C13orf42: variants seen among roughly 807,000 people sequenced by gnomAD.
The protein encoded by C13orf42 is chromosome 13 open reading frame 42, also known as uncharacterized protein C13orf42.
chr13:51,166,544 G>T (rs1953903253), intron 1 of C13orf42, among the ~76,000 whole-genome samples: 1 of 147,426 alleles, frequency 6.8e-6, no homozygotes, highest in East Asian at 2.0e-4. Flanking sequence ...GTATACATAT[G>T]TAACTAACCT....
chr13:51,106,545 C>A (rs1953357704), intron 1 of C13orf42, among the ~76,000 whole-genome samples: 1 of 152,176 alleles, frequency 6.6e-6, no homozygotes, highest in South Asian at 2.1e-4. Context: ...TGGCCTTACA[C>A]AAATCTCTTA....
At chr13:51,159,820 T>G (rs577700789) in intron 1 of C13orf42, among the ~76,000 whole-genome samples, 1 of 152,214 alleles carries the variant, frequency 6.6e-6, no homozygotes, top group South Asian at 2.1e-4. Flanking sequence ...TTAGTTCATT[T>G]TGACGCTGCT....
At chr13:51,085,074 A>G (rs1953107281) in intron 3 of C13orf42, among the ~76,000 whole-genome samples, 1 of 151,946 alleles carries the variant, frequency 6.6e-6, no homozygotes, top group Non-Finnish European at 1.5e-5. Context: ...GCCAGAAAGA[A>G]AGGGAGGCAG....
intron 1 of C13orf42, among the ~76,000 whole-genome samples, chr13:51,165,219 T>C (rs1407769835): frequency 6.6e-6 from 1 of 152,154 alleles, no homozygotes; most frequent in Non-Finnish European, 1.5e-5. Context: ...GCTGACTCTG[T>C]CCCTGTATCA....
chr13:51,115,020 A>G (rs1953476471), upstream of C13orf42, among the ~76,000 whole-genome samples: 1 of 152,224 alleles, frequency 6.6e-6, no homozygotes, highest in Non-Finnish European at 1.5e-5. Context: ...ATTAAAAAAC[A>G]ACAAAAATAA....
intron 1 of C13orf42, among the ~76,000 whole-genome samples, chr13:51,170,399 C>A (rs1427962743): frequency 2.0e-5 from 3 of 152,148 alleles, no homozygotes; most frequent in African/African-American, 7.2e-5. Context: ...TGAGAAACAT[C>A]CACCTACGAC....
At chr13:51,151,689 T>C (rs997006877) in intron 1 of C13orf42, among the ~76,000 whole-genome samples, 4 of 152,204 alleles carry the variant, frequency 2.6e-5, no homozygotes, top group African/African-American at 9.6e-5. Context: ...TAAAGCAACA[T>C]GCTATGCACT....
At chr13:51,117,987 G>A (rs1953505508) in intron 1 of C13orf42, among the ~76,000 whole-genome samples, 1 of 152,290 alleles carries the variant, frequency 6.6e-6, no homozygotes, top group South Asian at 2.1e-4. Context: ...GGAAGGAAAA[G>A]GCTTTGCACA....
chr13:51,139,161 A>C (rs1953679196), intron 1 of C13orf42, among the ~76,000 whole-genome samples: 1 of 152,094 alleles, frequency 6.6e-6, no homozygotes, highest in African/African-American at 2.4e-5. Flanking sequence ...TACTAAAAAC[A>C]CAAATTAGCT....
chr13:51,144,768 A>G (rs9888519), intron 1 of C13orf42, among the ~76,000 whole-genome samples: 8,364 of 152,128 alleles, frequency 0.055, 378 homozygotes, highest in African/African-American at 0.12. Context: ...ATTTCACCCA[A>G]CTCATGGGTA....
intron 1 of C13orf42, among the ~76,000 whole-genome samples, chr13:51,103,428 C>T (rs1294342924): frequency 1.3e-5 from 2 of 152,058 alleles, no homozygotes; most frequent in Non-Finnish European, 2.9e-5. Context: ...CTGGGCCAGG[C>T]GCAGTGGCTC....
intron 1 of C13orf42, among the ~76,000 whole-genome samples, chr13:51,117,684 C>T (rs1343088475): frequency 6.6e-6 from 1 of 152,176 alleles, no homozygotes; most frequent in Non-Finnish European, 1.5e-5. Flanking sequence ...CCACTCTTCC[C>T]AGACCTTCCT....
chr13:51,140,122 T>C (rs760295797), intron 1 of C13orf42, among the ~76,000 whole-genome samples: 73 of 152,326 alleles, frequency 4.8e-4, no homozygotes, highest in Non-Finnish European at 8.8e-4. Context: ...GCATATCTGA[T>C]TTGCCTCCTT....
intron 1 of C13orf42, among the ~76,000 whole-genome samples, chr13:51,109,860 G>C (rs1020598381): frequency 5.9e-5 from 9 of 152,102 alleles, no homozygotes; most frequent in Non-Finnish European, 1.0e-4. Flanking sequence ...ACTGAGCCTC[G>C]GTTTTCCCTT....
At chr13:51,150,844 T>C (rs567550697) in intron 1 of C13orf42, among the ~76,000 whole-genome samples, 49 of 152,348 alleles carry the variant, frequency 3.2e-4, no homozygotes, top group African/African-American at 1.1e-3. Flanking sequence ...ATCTTGCCTG[T>C]GTATGGATGA....
chr13:51,116,243 G>T (rs146516143), upstream of C13orf42, among the ~76,000 whole-genome samples: 35 of 152,282 alleles, frequency 2.3e-4, no homozygotes, highest in Middle Eastern at 3.4e-3. Context: ...AGGCAGAAGG[G>T]GCACGTCTGA....
At chr13:51,105,311 T>A (rs1003459150) in intron 1 of C13orf42, among the ~76,000 whole-genome samples, 4 of 152,214 alleles carry the variant, frequency 2.6e-5, no homozygotes, top group Admixed American at 2.0e-4. Context: ...CTGGTCTTGC[T>A]CTCTCGCAAG....
chr13:51,119,623 G>C (rs1032003836), intron 1 of C13orf42, among the ~76,000 whole-genome samples: 1 of 152,196 alleles, frequency 6.6e-6, no homozygotes, highest in Non-Finnish European at 1.5e-5. Flanking sequence ...AAGCCTTGAA[G>C]ACATGATGCG....
At chr13:51,104,554 C>T (rs1344629033) in intron 1 of C13orf42, among the ~76,000 whole-genome samples, 2 of 152,028 alleles carry the variant, frequency 1.3e-5, no homozygotes, top group Admixed American at 6.6e-5. Context: ...TCTGAAGACA[C>T]TAAAAGGCAC....
Sources: allele counts gnomAD v4.1 joint callset (sites outside exome capture counted in the v4.1 genomes callset), GRCh38; gene constraint gnomAD v4.1.1; transcripts MANE v1.5; gene names NCBI Gene and HGNC (gene_info 2026-07-23, HGNC 2026-07-21).